Variants in ANAPC15 observed in about 807,000 individuals in gnomAD.
ANAPC15 encodes anaphase promoting complex subunit 15.
ANAPC15 carries 13 observed loss-of-function variants against 19.8 expected under a neutral mutation model. That is an observed-to-expected ratio of 0.66 (90% confidence interval 0.43 to 1.04). The LOEUF (loss-of-function observed/expected upper bound fraction) is 1.04. Ranked by LOEUF, ANAPC15 falls within the 50% of genes least tolerant of loss-of-function variation. The pLI is 0.00. For synonymous variants in ANAPC15, 45 were observed against 50.7 expected (o/e 0.89, Z 0.47); for missense variants, 88 against 150.3 (o/e 0.59, Z 2.17).
intron 1 of ANAPC15, 163 bp downstream of exon 1, chr11:72,112,487 G>A (rs1388415528): frequency 6.7e-6 from 2 of 297,512 alleles, no homozygotes; most frequent in African/African-American, 4.5e-5. Flanking sequence ...GTGACGGGGT[G>A]GGGCTTAGTC....
At position 72,111,171 on chromosome 11, in the gene ANAPC15, G is replaced by A. The variant is rs1203324920; in HGVS notation, c.106C>T (p.Gln36Ter). 1.2e-6 allele frequency: 2 copies of A among 1,603,856 alleles called. No homozygotes were observed. The highest frequency in any genetic ancestry group is 1.7e-6 in the Non-Finnish European group (2 of 1,170,898). ...EETELQQQEQ[Q>*]HQAWLQSIAE... ...TGCTCACTCACCCAGGCCTGATGCTGCTGTTCCTGCTGCTGCAGCTCTGTC... is the reference window on the plus strand; with the variant it reads ...TGCTCACTCACCCAGGCCTGATGCTACTGTTCCTGCTGCTGCAGCTCTGTC... Residue 36 changes from glutamine to a stop codon, truncating the protein, a stop_gained, in exon 3 of 6, where the codon CAG becomes TAG. Transcript: ENST00000227618. LOFTEE classifies it high-confidence loss of function.
downstream of ANAPC15, chr11:72,106,940 C>CA (rs34155157): frequency 0.012 from 981 of 82,336 alleles, 10 homozygotes; most frequent in East Asian, 0.037. Context: ...GAACCTGTCT[C>CA]AAAAAAAAAA....
chr11:72,106,390 A>G, downstream of ANAPC15: 1 of 630,848 alleles, frequency 1.6e-6, no homozygotes, highest in Admixed American at 3.5e-5. Flanking sequence ...GCAAACATTT[A>G]TTGCCACCTC....
Position 72,109,730 on chromosome 11 carries a change from G to A in ANAPC15, c.*151C>T. 3 of 917,444 alleles carry A rather than the reference G, an allele frequency of 3.3e-6. No homozygotes were observed. Among genetic ancestry groups the A allele is most frequent in the Non-Finnish European group, 5.2e-6 (3 of 579,244 alleles). The allele number at this position is 917,444 out of a possible 1,614,324, so 56.8% of individuals were successfully genotyped here. On this transcript the variant is annotated 3_prime_UTR_variant, in exon 6 of 6. Transcript: ENST00000227618. Reference sequence around the variant, plus strand: ...CTGATGGCCTGGGAGGGGCCAAAGAGACCAGATCCTGGCAGCAGCTGAGGA... The same window carrying A: ...CTGATGGCCTGGGAGGGGCCAAAGAAACCAGATCCTGGCAGCAGCTGAGGA...
chr11:72,110,526 C>T lies in ANAPC15; in HGVS notation c.180+18G>A, dbSNP rs757673616. The T allele has an allele frequency of 6.2e-7, 1 of 1,614,122 alleles. No individual in the cohort carries two copies. Among genetic ancestry groups the T allele is most frequent in the Non-Finnish European group, 8.5e-7 (1 of 1,179,968 alleles). On this transcript the variant is annotated intron_variant, in intron 4 of 5. Transcript: ENST00000227618. ...CACTGCGGCCCCCACACAGGCCCCA[C>T]CTGCTAGAGCCACTCACCTCTGAGG...
downstream of ANAPC15, chr11:72,107,635 GGTCCTGAAT>G: frequency 1.6e-6 from 1 of 631,246 alleles, no homozygotes; most frequent in Non-Finnish European, 2.9e-6. Flanking sequence ...TCAGGTCCAA[GGTCCTGAAT>G]GCCAGGCTGA....
downstream of ANAPC15, chr11:72,107,961 G>A (rs76657474): frequency 6.4e-7 from 1 of 1,551,698 alleles, no homozygotes; most frequent in Middle Eastern, 1.7e-4. Flanking sequence ...GAAGGCCCCT[G>A]CTTGTGTGCT....
chr11:72,107,674 A>G (rs1392641282), downstream of ANAPC15: 10 of 617,224 alleles, frequency 1.6e-5, no homozygotes, highest in Non-Finnish European at 2.9e-5. Context: ...GTTCAATCCC[A>G]AAGGCCTTCA....
chr11:72,110,675 T>C, intron 3 of ANAPC15, 72 bp from the exon 4 acceptor site: 1 of 1,563,370 alleles, frequency 6.4e-7, no homozygotes, highest in South Asian at 1.1e-5. Context: ...GACTGGCCCA[T>C]TCTGCCCAGA....
Position 72,109,626 on chromosome 11 carries a change from C to T in ANAPC15, c.*255G>A, listed in dbSNP as rs1591195919. On this transcript the variant is annotated 3_prime_UTR_variant, in exon 6 of 6. Coordinates refer to ENST00000227618, the MANE Select transcript of ANAPC15 (RefSeq NM_014042.3). ...TTTGTCTTTATTAAAGAAACTTAGA[C>T]CAGACCTGGCAATCAAGGGGTGAGG... 1.7e-6 allele frequency: 1 copy of T among 593,232 alleles called. No homozygotes were observed. Among genetic ancestry groups the T allele is most frequent in the East Asian group, 2.8e-5 (1 of 35,516 alleles). The allele number at this position is 593,232 out of a possible 1,614,324, so 36.7% of individuals were successfully genotyped here.
In ANAPC15 at chr11:72,112,668, C is replaced by A. The variant is rs766746115; in HGVS notation, c.-114G>T. ...TACTTACCGCGCCGGGAGGCTGCTG[C>A]CGGCGGCGACCCGGAAGCGCTTCAC... On this transcript the variant is annotated 5_prime_UTR_variant, in exon 1 of 6. Transcript: ENST00000227618. The A allele has an allele frequency of 2.2e-6, 1 of 456,688 alleles. No individual in the cohort carries two copies. Among genetic ancestry groups the A allele is most frequent in the South Asian group, 1.5e-5 (1 of 64,558 alleles). 28.3% of individuals were successfully genotyped at this position (456,688 alleles called of 1,614,324 possible).
chr11:72,107,902 A>G, downstream of ANAPC15: 3 of 1,551,542 alleles, frequency 1.9e-6, no homozygotes, highest in South Asian at 3.6e-5. Context: ...TGTCTTCTGC[A>G]ACAGCCATCT....
Position 72,112,663 on chromosome 11 carries a change from T to G in ANAPC15, c.-109A>C, listed in dbSNP as rs189859228. 6.6e-6 allele frequency: 3 copies of G among 456,688 alleles called. No individual in the cohort carries two copies. The highest frequency in any genetic ancestry group is 1.3e-5 in the Non-Finnish European group (3 of 226,958). 28.3% of individuals were successfully genotyped at this position (456,688 alleles called of 1,614,324 possible). ...GTCTGTACTTACCGCGCCGGGAGGC[T>G]GCTGCCGGCGGCGACCCGGAAGCGC... On this transcript the variant is annotated 5_prime_UTR_variant, in exon 1 of 6. Coordinates refer to ENST00000227618, the MANE Select transcript of ANAPC15 (RefSeq NM_014042.3).
intron 3 of ANAPC15, 98 bp downstream of exon 3, chr11:72,111,059 T>C: frequency 1.1e-6 from 1 of 881,168 alleles, no homozygotes; most frequent in African/African-American, 1.7e-5. Context: ...CAAAAAGCTC[T>C]TCCTGGGTAG....
chr11:72,111,122 C>CTGGGGTCTCTGTCTATGT, intron 3 of ANAPC15, 35 bp downstream of exon 3: 1 of 1,409,542 alleles, frequency 7.1e-7, no homozygotes, highest in Non-Finnish European at 1.0e-6. Context: ...TCTGTCTGTG[C>CTGGGGTCTCTGTCTATGT]TGAGGTCTCT....
chr11:72,111,622 G>T, intron 1 of ANAPC15, 126 bp from the exon 2 acceptor site: 1 of 201,706 alleles, frequency 5.0e-6, no homozygotes, highest in Non-Finnish European at 1.0e-5. Flanking sequence ...TCAAGTGTAG[G>T]GATAGGAATC....
downstream of ANAPC15, chr11:72,108,699 G>C (rs372524977): frequency 3.9e-6 from 6 of 1,546,854 alleles, no homozygotes; most frequent in Admixed American, 2.0e-5. Context: ...CTGGCACACC[G>C]GCCACGATGT....
rs1307802657 is a variant in ANAPC15 at position 72,112,676 on chromosome 11, G to A, written c.-122C>T. The A allele has an allele frequency of 8.8e-6, 4 of 456,538 alleles. No homozygotes were observed. The highest frequency in any genetic ancestry group is 2.3e-5 in the Admixed American group (1 of 42,560). 28.3% of individuals were successfully genotyped at this position (456,538 alleles called of 1,614,324 possible). A position where few individuals can be genotyped will look rare whatever the true frequency, so the allele number is the denominator to read the frequency against. On this transcript the variant is annotated 5_prime_UTR_variant, in exon 1 of 6. Transcript: ENST00000227618. ...GCGCCGGGAGGCTGCTGCCGGCGGC[G>A]ACCCGGAAGCGCTTCACCCAGCCTG... is the stretch of plus-strand genomic sequence containing the variant.
chr11:72,111,932 G>A (rs1425006526), intron 1 of ANAPC15: 1 of 152,964 alleles, frequency 6.5e-6, no homozygotes, highest in Non-Finnish European at 1.5e-5. Context: ...ACATTATAAG[G>A]GTACAATCAG....
Sources: gnomAD v4.1 joint callset for allele counts on GRCh38, gnomAD v4.1.1 for gene constraint, MANE v1.5 for transcripts, NCBI Gene and HGNC (gene_info 2026-07-23, HGNC 2026-07-21) for gene names.